The following PRKCD variants were observed in gnomAD, a reference collection of about 807,000 sequenced individuals.
PRKCD encodes the protein protein kinase C delta, also known as protein kinase C delta type.
Under a neutral mutation model 82.2 loss-of-function variants are expected in PRKCD, and 20 were observed. The ratio of observed to expected loss-of-function variants is 0.24; its 90% CI spans 0.17 to 0.35. PRKCD has a LOEUF of 0.35. Among genes scored for constraint, PRKCD ranks in the 10% least tolerant of loss-of-function variants. The pLI is 1.00. For synonymous variants in PRKCD, 317 were observed against 337.0 expected, an observed-to-expected ratio of 0.94 and a Z score of 0.65; for missense variants, 607 against 899.0, an observed-to-expected ratio of 0.68 and a Z score of 4.15.
chr3:53,186,543 C>A lies in PRKCD; in HGVS notation c.1261-61C>A. On this transcript the variant is annotated intron_variant, in intron 13 of 18. Coordinates refer to ENST00000330452, the MANE Select transcript of PRKCD (RefSeq NM_006254.4). Reference sequence around the variant, plus strand: ...TCCTGTTGGGGCTTGGCCCCAGTGGCCCTCAGTGAGGGAGCCTCCTGCCTA... The same window carrying A: ...TCCTGTTGGGGCTTGGCCCCAGTGGACCTCAGTGAGGGAGCCTCCTGCCTA... 2.7e-6 allele frequency: 4 copies of A among 1,489,056 alleles called. No individual in the cohort carries two copies. In the South Asian group the frequency reaches 4.9e-5, roughly 18 times the overall value. 92.2% of individuals were successfully genotyped at this position (1,489,056 alleles called of 1,614,324 possible).
In PRKCD at chr3:53,189,106, G is replaced by A; in HGVS notation, c.1603G>A (p.Gly535Arg). The change falls in exon 17 of 19, where the codon GGG becomes AGG. Residue 535 changes from glycine (G) to arginine (R), a missense_variant. Physicochemically the swap from Gly to Arg is moderately radical, Grantham distance 125. Around this residue, in one of 5 missense-constraint regions of PRKCD, gnomAD observed 251 missense variants for 423.9 expected, o/e 0.59. Transcript: ENST00000330452. ...ATTCTCTGTGGACTGGTGGTCTTTCGGGGTCCTTCTGTACGAGATGCTCAT... is the reference window on the plus strand; with the variant it reads ...ATTCTCTGTGGACTGGTGGTCTTTCAGGGTCCTTCTGTACGAGATGCTCAT... ...YTFSVDWWSF[G>R]VLLYEMLIGQ... 6.2e-7 allele frequency: 1 copy of A among 1,614,160 alleles called. No homozygotes were observed. Among genetic ancestry groups the A allele is most frequent in the Non-Finnish European group, 8.5e-7 (1 of 1,180,002 alleles).
rs1352945164 is a variant in PRKCD at position 53,189,913 on chromosome 3, G to A, written c.1784G>A (p.Gly595Glu). 9.9e-6 allele frequency: 16 copies of A among 1,614,202 alleles called. No individual in the cohort carries two copies. The highest frequency in any genetic ancestry group is 1.3e-5 in the Non-Finnish European group (15 of 1,180,024). ...CCAACCAAGAGGCTGGGAGTGACCG[G>A]AAACATCAAAATCCACCCCTTCTTC... ...REPTKRLGVT[G>E]NIKIHPFFKT... The change falls in exon 18 of 19, where the codon GGA becomes GAA. Residue 595 changes from glycine to glutamate, a missense_variant. Transcript: ENST00000330452.
chr3:53,187,694 G>A (rs1553669583), intron 15 of PRKCD, among the ~76,000 whole-genome samples: 1 of 152,124 alleles, frequency 6.6e-6, no homozygotes, highest in African/African-American at 2.4e-5. Flanking sequence ...AGTCATCTAA[G>A]CTTCTGCCAG....
At chr3:53,181,133 G>T in intron 4 of PRKCD, 74 bp from the exon 5 acceptor site, 1 of 1,517,406 alleles carries the variant, frequency 6.6e-7, no homozygotes. Flanking sequence ...AGCCATGGGG[G>T]TGGGTTCTGA....
At position 53,187,406 on chromosome 3, in the gene PRKCD, CG is replaced by C. The variant is rs1559630605; in HGVS notation, c.1415+9del. 6 of 1,613,860 alleles carry C rather than the reference CG, an allele frequency of 3.7e-6. No homozygotes were observed. In the South Asian group the frequency reaches 5.5e-5, roughly 15 times the overall value. On this transcript the variant is annotated splice_donor_5th_base_variant and intron_variant, in intron 15 of 18. Transcript: ENST00000330452. ...ACAGCAAGGGCATCATTTACAGGTG[CG>C]GGGGTGAGGGCAGCGGGGGCTCTTG... is the stretch of plus-strand genomic sequence containing the variant.
intron 2 of PRKCD, among the ~76,000 whole-genome samples, chr3:53,166,596 T>C (rs1316451677): frequency 3.3e-5 from 5 of 152,146 alleles, no homozygotes; most frequent in African/African-American, 4.8e-5. Context: ...ACACAGATGC[T>C]CTCCCAGTTA....
chr3:53,171,193 G>A (rs1332306065), intron 2 of PRKCD, among the ~76,000 whole-genome samples: 1 of 152,160 alleles, frequency 6.6e-6, no homozygotes, highest in Non-Finnish European at 1.5e-5. Flanking sequence ...GCCATGAAGG[G>A]GCCTTTGTTC....
Position 53,183,554 on chromosome 3 carries a change from C to A in PRKCD, c.760C>A (p.Leu254Met). Residue 254 changes from leucine to methionine, a missense_variant, in exon 9 of 19, where the codon CTG (leucine) becomes ATG (methionine). Physicochemically the swap from Leu to Met is conservative, Grantham distance 15. This residue lies in a region of PRKCD where 109 missense variants were observed against 155.6 expected (regional missense o/e 0.70). Transcript: ENST00000330452. ...CCACTGCGGCAGCCTGCTCTGGGGA[C>A]TGGTGAAGCAGGGATTAAAGTGTGA... ...CDHCGSLLWG[L>M]VKQGLKCEDC... 1 of 1,614,212 alleles carries A rather than the reference C, an allele frequency of 6.2e-7. No individual in the cohort carries two copies. Among genetic ancestry groups the A allele is most frequent in the Non-Finnish European group, 8.5e-7 (1 of 1,180,014 alleles).
intron 18 of PRKCD, among the ~76,000 whole-genome samples, chr3:53,191,161 G>T (rs1292795256): frequency 6.6e-6 from 1 of 152,170 alleles, no homozygotes; most frequent in Non-Finnish European, 1.5e-5. Flanking sequence ...CAGCACTTTG[G>T]GAGGCTGAGG....
intron 14 of PRKCD, among the ~76,000 whole-genome samples, chr3:53,187,095 A>T (rs1703732236): frequency 6.6e-6 from 1 of 152,204 alleles, no homozygotes; most frequent in Admixed American, 6.5e-5. Context: ...GCAAACACAT[A>T]TGTACATGCA....
intron 18 of PRKCD, among the ~76,000 whole-genome samples, chr3:53,190,306 T>C (rs1703881582): frequency 1.3e-5 from 2 of 152,180 alleles, no homozygotes; most frequent in African/African-American, 4.8e-5. Flanking sequence ...TGAGTCCCTG[T>C]TGAATGCAGA....
In PRKCD at chr3:53,189,955, C is replaced by A. The variant is rs781857969; in HGVS notation, c.1826C>A (p.Thr609Asn). The change falls in exon 18 of 19, where the codon ACT becomes AAT. Residue 609 changes from threonine to asparagine, a missense_variant. This residue lies in a region of PRKCD where 251 missense variants were observed against 423.9 expected (regional missense o/e 0.59). Transcript: ENST00000330452. ...CCCTTCTTCAAGACCATAAACTGGA[C>A]TCTGCTGGAAAAGCGGAGGTTGGAG... ...IHPFFKTINWTLLEKRRLEPP... is the reference protein window; with the variant it reads ...IHPFFKTINWNLLEKRRLEPP... The A allele has an allele frequency of 1.2e-6, 2 of 1,614,170 alleles. No individual in the cohort carries two copies. The highest frequency in any genetic ancestry group is 4.5e-5 in the East Asian group (2 of 44,888).
intron 8 of PRKCD, 102 bp from the exon 9 acceptor site, chr3:53,183,350 C>G (rs1703536757): frequency 1.9e-6 from 3 of 1,583,828 alleles, no homozygotes; most frequent in Admixed American, 1.7e-5. Flanking sequence ...CAGTGGAGCT[C>G]TCTTGGGATG....
intron 18 of PRKCD, among the ~76,000 whole-genome samples, chr3:53,191,532 C>T (rs907400005): frequency 1.2e-4 from 18 of 152,208 alleles, no homozygotes; most frequent in Non-Finnish European, 2.6e-4. Context: ...AGCTTGCGGT[C>T]TTTCTATATT....
rs1255833966 is a variant in PRKCD at position 53,169,181 on chromosome 3, C to T, written c.-20+3966C>T. ...TCGTGCACTCCTAGTGGATGAGGAG[C>T]GCTGGGAGGGGAACGGCGGGGGACT... On this transcript the variant is annotated intron_variant, in intron 2 of 18. Transcript: ENST00000330452. This position sits in a 1 kb window ranked among gnomAD's most constrained non-coding sequence, Gnocchi z 4.7. Among the ~76,000 whole-genome samples, 3 of 151,464 alleles carry T rather than the reference C, an allele frequency of 2.0e-5. No homozygotes were observed. The highest frequency in any genetic ancestry group is 2.0e-4 in the East Asian group (1 of 5,112).
intron 2 of PRKCD, among the ~76,000 whole-genome samples, chr3:53,176,387 A>G (rs902451763): frequency 6.6e-6 from 1 of 152,212 alleles, no homozygotes; most frequent in East Asian, 1.9e-4. Context: ...ATTTGCTGTG[A>G]GCTCATCTGA....
At chr3:53,181,969 G>A (rs113848057) in intron 7 of PRKCD, 12 of 697,480 alleles carry the variant, frequency 1.7e-5, no homozygotes, top group African/African-American at 1.6e-4. Context: ...GTTGGTGGAT[G>A]GCAATTGGGC....
intron 2 of PRKCD, among the ~76,000 whole-genome samples, chr3:53,166,374 G>A (rs1391192249): frequency 6.6e-6 from 1 of 152,206 alleles, no homozygotes; most frequent in Non-Finnish European, 1.5e-5. Flanking sequence ...TTTGTAAGGA[G>A]TTTGATTAGT....
intron 18 of PRKCD, among the ~76,000 whole-genome samples, 164 bp downstream of exon 18, chr3:53,190,165 G>A (rs189670932): frequency 2.0e-5 from 3 of 152,320 alleles, no homozygotes. Context: ...TCTCCCTCCT[G>A]ACTCAGTCAT....
Sources: allele counts gnomAD v4.1 joint callset (sites outside exome capture counted in the v4.1 genomes callset), GRCh38; gene constraint gnomAD v4.1.1; regional missense constraint gnomAD v4.1.1; non-coding constraint Gnocchi (gnomAD v3.1); transcripts MANE v1.5; gene names NCBI Gene and HGNC (gene_info 2026-07-23, HGNC 2026-07-21).